Variants in RASA3 observed in about 807,000 individuals in gnomAD.
RASA3 encodes ras GTPase-activating protein 3.
A neutral mutation model predicts 110.0 loss-of-function variants in RASA3; 73 were observed. The observed-to-expected ratio is 0.66, with a 90% CI of 0.55 to 0.81. The LOEUF is 0.81. Among genes scored for constraint, RASA3 ranks in the 30% least tolerant of loss-of-function variants. The pLI is 0.00. For synonymous variants in RASA3, 500 were observed against 451.4 expected (o/e 1.11, Z -1.37); for missense variants, 976 against 1,113.2 (o/e 0.88, Z 1.75).
At chr13:114,060,347 G>A (rs1355604567) in intron 2 of RASA3, among the ~76,000 whole-genome samples, 12 of 152,212 alleles carry the variant, frequency 7.9e-5, no homozygotes. Context: ...CACGGATGGG[G>A]CAGTGGGCAT....
intron 2 of RASA3, 29 bp downstream of exon 2, chr13:114,073,691 G>T: frequency 6.5e-7 from 1 of 1,546,630 alleles, no homozygotes. Flanking sequence ...AAACACATCA[G>T]TGCCAAGTAA....
At chr13:114,029,660 C>T (rs1205001637) in intron 5 of RASA3, 151 bp downstream of exon 5, 7 of 696,788 alleles carry the variant, frequency 1.0e-5, no homozygotes, top group Non-Finnish European at 1.2e-5. Context: ...ACAGCATCAT[C>T]CTGGTGGGCC....
In RASA3 at chr13:114,011,689, G is replaced by A. The variant is rs1390993886; in HGVS notation, c.1513-441C>T. ...TGTAATCCCAGCACTTCGGGAGGCC[G>A]AGGCAGGTAGATCACTTGAGGTCAG... On this transcript the variant is annotated intron_variant, in intron 15 of 23. Transcript: ENST00000334062. The surrounding 1 kb of genome is among the most constrained non-coding windows in gnomAD (Gnocchi z 4.8). Among the ~76,000 whole-genome samples, 3 of 152,098 alleles carry A rather than the reference G, an allele frequency of 2.0e-5. No homozygotes were observed. Among genetic ancestry groups the A allele is most frequent in the African/African-American group, 7.2e-5 (3 of 41,412 alleles).
At chr13:113,999,941 T>TG (rs1241940800) in intron 19 of RASA3, among the ~76,000 whole-genome samples, 2 of 12,916 alleles carry the variant, frequency 1.5e-4, no homozygotes, top group African/African-American at 9.4e-4. Flanking sequence ...GGGTCTCTGC[T>TG]GGGGGGTCTC....
At chr13:114,019,524 A>C (rs2053870250) in intron 9 of RASA3, among the ~76,000 whole-genome samples, 1 of 147,068 alleles carries the variant, frequency 6.8e-6, no homozygotes, top group African/African-American at 2.5e-5. Context: ...AGGTGGGTGG[A>C]GCCTGTATCC....
At chr13:113,990,256 G>T (rs1193518054) in intron 22 of RASA3, among the ~76,000 whole-genome samples, 2 of 152,076 alleles carry the variant, frequency 1.3e-5, no homozygotes, top group Non-Finnish European at 1.5e-5. Flanking sequence ...CCAGGCTATG[G>T]GGATGGTGAG....
chr13:114,044,556 C>T (rs999342441), intron 3 of RASA3, among the ~76,000 whole-genome samples: 2 of 113,326 alleles, frequency 1.8e-5, no homozygotes, highest in East Asian at 2.5e-4. Flanking sequence ...CCACCGGCAG[C>T]CCTGGGCGGG....
intron 18 of RASA3, among the ~76,000 whole-genome samples, chr13:114,001,508 G>A (rs570312500): frequency 1.7e-4 from 25 of 148,752 alleles, no homozygotes; most frequent in African/African-American, 5.4e-4. Flanking sequence ...CGGGGTCAGG[G>A]CAGGCAGTGG....
At chr13:114,101,969 G>C (rs10162219) in intron 1 of RASA3, among the ~76,000 whole-genome samples, 3 of 152,148 alleles carry the variant, frequency 2.0e-5, no homozygotes, top group Non-Finnish European at 4.4e-5. Context: ...GGGGAGCGGG[G>C]GTCTCAGTTT....
chr13:113,990,324 G>A (rs1454024537), intron 22 of RASA3, among the ~76,000 whole-genome samples: 1 of 152,206 alleles, frequency 6.6e-6, no homozygotes, highest in Non-Finnish European at 1.5e-5. Context: ...CCAGCCTGAT[G>A]CGCAAGGGTG....
At chr13:114,123,641 G>T (rs1044035406) in intron 1 of RASA3, among the ~76,000 whole-genome samples, 15 of 152,166 alleles carry the variant, frequency 9.9e-5, no homozygotes, top group African/African-American at 3.4e-4. Context: ...AGAATCCTCC[G>T]TCCTACCCTG....
chr13:114,115,719 C>G lies in RASA3; in HGVS notation c.55+16716G>C, dbSNP rs540149309. On this transcript the variant is annotated intron_variant, in intron 1 of 23. Coordinates refer to ENST00000334062, the MANE Select transcript of RASA3 (RefSeq NM_007368.4). This position sits in a 1 kb window ranked among gnomAD's most constrained non-coding sequence, Gnocchi z 5.0. ...AACCGGTCCAGAGGTCAGAAACAGC[C>G]GCAGTCTCCTACCTCTATTGCTTCT... Among the ~76,000 whole-genome samples the G allele has an allele frequency of 6.6e-6, 1 of 152,122 alleles. No homozygotes were observed. Among genetic ancestry groups the G allele is most frequent in the Non-Finnish European group, 1.5e-5 (1 of 68,036 alleles).
In RASA3 at chr13:114,008,849, C is replaced by T. The variant is rs112001227; in HGVS notation, c.1668+538G>A. 1.4e-3 allele frequency among the ~76,000 whole-genome samples: 63 copies of T among 46,304 alleles called. 3 individuals carry two copies. The highest frequency in any genetic ancestry group is 2.6e-3 in the East Asian group (3 of 1,162). 30.4% of individuals were successfully genotyped at this position (46,304 alleles called of 152,430 possible). A position where few individuals can be genotyped will look rare whatever the true frequency, so the allele number is the denominator to read the frequency against. The stretch of plus-strand genomic sequence containing the variant: ...TGCGGTCTGGACGTTCCCCACGCAC[C>T]GCGTTCCTGACTGTGGGGAGGAGCA... On this transcript the variant is annotated intron_variant, in intron 17 of 23. Transcript: ENST00000334062.
At chr13:113,981,638 A>T in intron 23 of RASA3, 37 bp downstream of exon 23, 2 of 1,603,534 alleles carry the variant, frequency 1.2e-6, no homozygotes, top group Non-Finnish European at 1.7e-6. Context: ...CGCCCACTAC[A>T]CTGGCCGTCC....
chr13:114,011,315 A>G lies in RASA3; in HGVS notation c.1513-67T>C. On this transcript the variant is annotated intron_variant, in intron 15 of 23. Coordinates refer to ENST00000334062, the MANE Select transcript of RASA3 (RefSeq NM_007368.4). The surrounding 1 kb of genome is among the most constrained non-coding windows in gnomAD (Gnocchi z 4.8). Reference sequence around the variant, plus strand: ...GAAATGCTGTGACTGTCCCAGATCGAGGGGACGAAATGCAGGAGTCACCTC... The same window carrying G: ...GAAATGCTGTGACTGTCCCAGATCGGGGGGACGAAATGCAGGAGTCACCTC... The G allele has an allele frequency of 7.2e-7, 1 of 1,391,880 alleles. No homozygotes were observed. Among genetic ancestry groups the G allele is most frequent in the Non-Finnish European group, 1.0e-6 (1 of 990,812 alleles). 86.2% of individuals were successfully genotyped at this position (1,391,880 alleles called of 1,614,324 possible).
At position 114,013,172 on chromosome 13, in the gene RASA3, G is replaced by C; in HGVS notation, c.1482C>G (p.Pro494=). Residue 494 remains proline, a synonymous_variant, in exon 15 of 24, where the codon CCC becomes CCG. Coordinates refer to ENST00000334062, the MANE Select transcript of RASA3 (RefSeq NM_007368.4). ...LRFFAPAILS[P]NLFQLTPHHT... ...GGTGCGGCGTGAGCTGGAAGAGGTT[G>C]GGGGAGAGAATGGCGGGCGCAAAGA... 1.2e-6 allele frequency: 2 copies of C among 1,613,552 alleles called. No homozygotes were observed. The highest frequency in any genetic ancestry group is 1.7e-6 in the Non-Finnish European group (2 of 1,179,772).
intron 1 of RASA3, among the ~76,000 whole-genome samples, chr13:114,130,318 G>A (rs1327005434): frequency 2.0e-5 from 3 of 152,190 alleles, no homozygotes; most frequent in Non-Finnish European, 2.9e-5. Flanking sequence ...CCAGAGAGTC[G>A]GGCAGCTGGC....
At position 114,059,701 on chromosome 13, in the gene RASA3, G is replaced by A. The variant is rs182023542; in HGVS notation, c.174-7546C>T. ...GGTTTCTTCCTCTGCCCTGCACAGT[G>A]AGACAAGCACATGGCAGGGCCTCCC... On this transcript the variant is annotated intron_variant, in intron 2 of 23. Transcript: ENST00000334062. 3.0e-3 allele frequency among the ~76,000 whole-genome samples: 454 copies of A among 152,368 alleles called. 3 individuals carry two copies. Among genetic ancestry groups the A allele is most frequent in the Admixed American group, 0.016 (244 of 15,308 alleles).
In RASA3 at chr13:114,048,957, C is replaced by T. The variant is rs1180607311; in HGVS notation, c.277+3095G>A. Among the ~76,000 whole-genome samples, 1 of 152,112 alleles carries T rather than the reference C, an allele frequency of 6.6e-6. No homozygotes were observed. The highest frequency in any genetic ancestry group is 1.5e-5 in the Non-Finnish European group (1 of 68,010). ...CCGTATCCCGGCACGGCTTCAGCTG[C>T]CTTTCTCGGTTTCTGTCGCCACCGC... On this transcript the variant is annotated intron_variant, in intron 3 of 23. Transcript: ENST00000334062. The surrounding 1 kb of genome is among the most constrained non-coding windows in gnomAD (Gnocchi z 4.3).
Sources: allele counts gnomAD v4.1 joint callset (sites outside exome capture counted in the v4.1 genomes callset), GRCh38; gene constraint gnomAD v4.1.1; non-coding constraint Gnocchi (gnomAD v3.1); transcripts MANE v1.5; gene names NCBI Gene and HGNC (gene_info 2026-07-23, HGNC 2026-07-21).